The following EBF2 variants were observed in gnomAD, a reference collection of about 807,000 sequenced individuals.
EBF2 encodes the protein EBF transcription factor 2.
Under a neutral mutation model 72.8 loss-of-function variants are expected in EBF2, and 21 were observed. The observed-to-expected ratio is 0.29, with a 90% CI of 0.20 to 0.42. The LOEUF is 0.42. EBF2 is among the 10% of genes least tolerant of loss of function. EBF2 has a pLI of 1.00. For missense variants in EBF2, 637 were observed against 731.2 expected (o/e 0.87, Z 1.49); for synonymous variants, 299 against 274.2 (o/e 1.09, Z -0.89).
intron 10 of EBF2, among the ~76,000 whole-genome samples, chr8:25,866,755 C>G (rs1471495863): frequency 7.3e-4 from 109 of 149,960 alleles, no homozygotes; most frequent in African/African-American, 2.6e-3. Flanking sequence ...TCTCAGCCTC[C>G]CTAGTAGCTG....
In EBF2 at chr8:25,861,070, A is replaced by G; in HGVS notation, c.1321T>C (p.Ser441Pro). The G allele has an allele frequency of 6.2e-7, 1 of 1,613,898 alleles. No individual in the cohort carries two copies. Among genetic ancestry groups the G allele is most frequent in the Non-Finnish European group, 8.5e-7 (1 of 1,179,982 alleles). The change falls in exon 13 of 16, where the codon TCA becomes CCA. Residue 441 changes from serine (S) to proline (P), a missense_variant. Coordinates refer to ENST00000520164, the MANE Select transcript of EBF2 (RefSeq NM_022659.4). ...GTACCTTGATTATTTCCTTGTGTTG[A>G]CTCTGAGATGCTGACCCCAAGCTGG... ...GSQLGVSISESTQGNNQGYIR... is the reference protein window; with the variant it reads ...GSQLGVSISEPTQGNNQGYIR...
intron 6 of EBF2, among the ~76,000 whole-genome samples, chr8:26,011,628 C>T (rs1045697814): frequency 6.6e-6 from 1 of 152,098 alleles, no homozygotes; most frequent in Non-Finnish European, 1.5e-5. Flanking sequence ...CTTTAGTAAA[C>T]TGACACATAA....
intron 6 of EBF2, among the ~76,000 whole-genome samples, chr8:25,958,578 T>C (rs1473552150): frequency 3.9e-5 from 6 of 152,192 alleles, no homozygotes; most frequent in Non-Finnish European, 7.3e-5. Context: ...TTAATTTCCA[T>C]TCATTTACTC....
intron 6 of EBF2, among the ~76,000 whole-genome samples, chr8:25,928,972 G>A (rs576006729): frequency 6.6e-6 from 1 of 152,246 alleles, no homozygotes; most frequent in Non-Finnish European, 1.5e-5. Flanking sequence ...TGTATTAAGT[G>A]CTGACGCAGT....
chr8:25,883,602 G>A (rs923318464), intron 10 of EBF2, among the ~76,000 whole-genome samples: 4 of 152,104 alleles, frequency 2.6e-5, no homozygotes, highest in Non-Finnish European at 5.9e-5. Context: ...ATAATTTAAA[G>A]TGTGGCCAAG....
intron 6 of EBF2, among the ~76,000 whole-genome samples, chr8:25,913,995 C>G (rs868647490): frequency 3.3e-5 from 5 of 152,182 alleles, no homozygotes; most frequent in African/African-American, 1.2e-4. Context: ...AATACAGGGA[C>G]AGGCTGGGTC....
At chr8:25,960,573 G>A (rs1216586023) in intron 6 of EBF2, among the ~76,000 whole-genome samples, 1 of 152,116 alleles carries the variant, frequency 6.6e-6, no homozygotes, top group Non-Finnish European at 1.5e-5. Flanking sequence ...CAGTGAAAAT[G>A]TTCCAGTTAC....
At chr8:25,926,433 G>C (rs1452647682) in intron 6 of EBF2, among the ~76,000 whole-genome samples, 1 of 152,180 alleles carries the variant, frequency 6.6e-6, no homozygotes, top group East Asian at 1.9e-4. Context: ...TAGATGAGAT[G>C]ATGATCAAGT....
At chr8:26,025,284 G>A (rs905758714) in intron 6 of EBF2, among the ~76,000 whole-genome samples, 4 of 152,072 alleles carry the variant, frequency 2.6e-5, no homozygotes, top group Non-Finnish European at 5.9e-5. Context: ...TTTGTATTTT[G>A]TGAATACGTA....
intron 6 of EBF2, among the ~76,000 whole-genome samples, chr8:25,967,614 T>G (rs1259123634): frequency 6.6e-6 from 1 of 152,248 alleles, no homozygotes; most frequent in East Asian, 1.9e-4. Flanking sequence ...TTCTATTGAA[T>G]GCATATCACT....
rs78918703 is a variant in EBF2 at position 25,842,626 on chromosome 8, G to C, written c.*1983C>G. ...CTCTTATGTTTCCGTGTATTTTGGC[G>C]CTTTAAGCCCTGACTATGAGGGACT... is the stretch of plus-strand genomic sequence containing the variant. On this transcript the variant is annotated 3_prime_UTR_variant, in exon 16 of 16. Transcript: ENST00000520164. The C allele has an allele frequency of 6.6e-6, 1 of 152,026 alleles. No homozygotes were observed. Among genetic ancestry groups the C allele is most frequent in the African/African-American group, 2.4e-5 (1 of 41,410 alleles). The allele number at this position is 152,026 out of a possible 1,614,324, so 9.4% of individuals were successfully genotyped here.
At chr8:26,034,643 A>T (rs1197119977) in intron 5 of EBF2, among the ~76,000 whole-genome samples, 1 of 152,212 alleles carries the variant, frequency 6.6e-6, no homozygotes, top group Non-Finnish European at 1.5e-5. Context: ...TCAGGGCTAC[A>T]GACTTCTGAA....
In EBF2 at chr8:25,889,761, G is replaced by T; in HGVS notation, c.742C>A (p.Pro248Thr). ...GCGCAGGCAGCCCTACCTTCCGATG[G>T]ATCGAGTCTTCTTGCTCTCCGTCCA... The part of the protein sequence containing the change: ...KHGRRARRLD[P>T]SEATPCIKAI... The change falls in exon 8 of 16, where the codon CCA becomes ACA. Residue 248 changes from proline to threonine, a missense_variant. Transcript: ENST00000520164. The T allele has an allele frequency of 1.2e-6, 2 of 1,613,672 alleles. No individual in the cohort carries two copies. The highest frequency in any genetic ancestry group is 1.7e-6 in the Non-Finnish European group (2 of 1,179,644).
chr8:25,888,772 A>G (rs1040071785), intron 8 of EBF2, among the ~76,000 whole-genome samples: 4 of 152,046 alleles, frequency 2.6e-5, no homozygotes, highest in African/African-American at 7.2e-5. Flanking sequence ...TCAATCCATC[A>G]CTCCATTTCC....
chr8:25,991,612 G>A (rs1192600715), intron 6 of EBF2, among the ~76,000 whole-genome samples: 1 of 152,144 alleles, frequency 6.6e-6, no homozygotes, highest in Non-Finnish European at 1.5e-5. Flanking sequence ...TTGGGAGGTC[G>A]AGGCGGGCAG....
intron 6 of EBF2, among the ~76,000 whole-genome samples, chr8:25,987,475 C>A (rs932443733): frequency 2.5e-4 from 38 of 152,112 alleles, no homozygotes; most frequent in Admixed American, 2.5e-3. Flanking sequence ...AAGTCATTTA[C>A]ACCTTCAAAA....
intron 6 of EBF2, among the ~76,000 whole-genome samples, chr8:25,949,866 G>A (rs1048268696): frequency 7.2e-5 from 11 of 152,214 alleles, no homozygotes; most frequent in African/African-American, 1.9e-4. Flanking sequence ...CTGGCCTGCA[G>A]GCATTCATCA....
In EBF2 at chr8:25,842,791, C is replaced by A. The variant is rs1801762926; in HGVS notation, c.*1818G>T. The A allele has an allele frequency of 1.3e-5, 2 of 152,148 alleles. 1 individual carries two copies. Among genetic ancestry groups the A allele is most frequent in the South Asian group, 4.1e-4 (2 of 4,820 alleles). The allele number at this position is 152,148 out of a possible 1,614,324, so 9.4% of individuals were successfully genotyped here. ...TTGGGGCTGGATAGATGTGGGCCTG[C>A]ATCAATGGGTCAAAGAGAAGGTATG... On this transcript the variant is annotated 3_prime_UTR_variant, in exon 16 of 16. Coordinates refer to ENST00000520164, the MANE Select transcript of EBF2 (RefSeq NM_022659.4).
At chr8:25,952,393 TATTC>T (rs1803877844) in intron 6 of EBF2, among the ~76,000 whole-genome samples, 1 of 152,096 alleles carries the variant, frequency 6.6e-6, no homozygotes, top group Non-Finnish European at 1.5e-5. Flanking sequence ...ATAAATTATT[TATTC>T]ATTTATATAG....
Sources: allele counts gnomAD v4.1 joint callset (sites outside exome capture counted in the v4.1 genomes callset), GRCh38; gene constraint gnomAD v4.1.1; transcripts MANE v1.5; gene names NCBI Gene and HGNC (gene_info 2026-07-23, HGNC 2026-07-21).